Variants in SLC22A16 observed in about 807,000 individuals in gnomAD.
SLC22A16 encodes WUGSC:RG331P03.1.
Under a neutral mutation model 52.9 loss-of-function variants are expected in SLC22A16, and 53 were observed. The ratio of observed to expected loss-of-function variants is 1.00; its 90% CI spans 0.80 to 1.26. The LOEUF (loss-of-function observed/expected upper bound fraction) is 1.26, where lower values mean the gene tolerates loss of function less well. Among genes scored for constraint, SLC22A16 ranks in the 50% most tolerant of loss-of-function variants. The pLI is 0.00. For synonymous variants in SLC22A16, 291 were observed against 268.8 expected (o/e 1.08, Z -0.81); for missense variants, 726 against 704.0 (o/e 1.03, Z -0.35).
rs1775007636 is a variant in SLC22A16, at chr6:110,442,468, C to G, written c.959G>C (p.Cys320Ser). ...IMAKWNRASS[C>S]KLSELLSLDL... is the part of the protein sequence containing the mutation. Reference sequence around the variant, plus strand: ...CAGTGATAAAAGTTCTGACAGTTTACAGGAGCTTGCCCTGTTCCACTTGGC... The same window carrying G: ...CAGTGATAAAAGTTCTGACAGTTTAGAGGAGCTTGCCCTGTTCCACTTGGC... The change falls in exon 4 of 8, where the codon TGT (cysteine) becomes TCT (serine). Residue 320 changes from cysteine (C) to serine (S), a missense_variant. Physicochemically the swap from Cys to Ser is moderately radical, Grantham distance 112. Coordinates refer to ENST00000368919, the MANE Select transcript of SLC22A16 (RefSeq NM_033125.4). The G allele has an allele frequency of 1.2e-6, 2 of 1,614,136 alleles. No individual in the cohort carries two copies. Among genetic ancestry groups the G allele is most frequent in the African/African-American group, 2.7e-5 (2 of 74,948 alleles).
At chr6:110,450,836 G>T (rs1000522696) in intron 2 of SLC22A16, among the ~76,000 whole-genome samples, 1 of 152,088 alleles carries the variant, frequency 6.6e-6, no homozygotes, top group African/African-American at 2.4e-5. Context: ...AGGCAAGAAA[G>T]AGATGATTGC....
At chr6:110,473,594 G>A (rs963773973) in intron 1 of SLC22A16, among the ~76,000 whole-genome samples, 3 of 127,916 alleles carry the variant, frequency 2.3e-5, no homozygotes, top group Middle Eastern at 9.9e-3. Context: ...GCGCAATCTC[G>A]GCTCACTGCA....
chr6:110,438,339 T>C (rs1774817262), intron 5 of SLC22A16, among the ~76,000 whole-genome samples: 3 of 152,050 alleles, frequency 2.0e-5, no homozygotes, highest in Admixed American at 1.3e-4. Flanking sequence ...ATTTTTTATT[T>C]TTTGAGATGA....
At chr6:110,435,719 T>C in intron 6 of SLC22A16, 133 bp downstream of exon 6, 1 of 621,766 alleles carries the variant, frequency 1.6e-6, no homozygotes, top group Non-Finnish European at 2.8e-6. Context: ...AGTATCAGCA[T>C]GTCATTTTCC....
chr6:110,450,190 A>G (rs1188248477), intron 2 of SLC22A16, among the ~76,000 whole-genome samples: 1 of 151,552 alleles, frequency 6.6e-6, no homozygotes, highest in Admixed American at 6.6e-5. Flanking sequence ...AAAAAAAAGG[A>G]GGGGGGGGCA....
Position 110,438,639 on chromosome 6 carries a change from A to G in SLC22A16, c.1311+81T>C. On this transcript the variant is annotated intron_variant, in intron 5 of 7. Coordinates refer to ENST00000368919, the MANE Select transcript of SLC22A16 (RefSeq NM_033125.4). ...CAAATCATACTCTGAATTGACCTTC[A>G]TACTTAACTGTAATAAGCTAAATTC... 2.7e-6 allele frequency: 4 copies of G among 1,459,326 alleles called. No homozygotes were observed. In the South Asian group the frequency reaches 5.7e-5, roughly 21 times the overall value. The allele number at this position is 1,459,326 out of a possible 1,614,324, so 90.4% of individuals were successfully genotyped here. A position where few individuals can be genotyped will look rare whatever the true frequency, so the allele number is the denominator to read the frequency against.
intron 2 of SLC22A16, among the ~76,000 whole-genome samples, chr6:110,454,372 A>G (rs189741332): frequency 6.6e-6 from 1 of 151,076 alleles, no homozygotes; most frequent in Non-Finnish European, 1.5e-5. Flanking sequence ...TGTCAAACCA[A>G]TTTTTTAGCT....
rs1469106043 is a variant in SLC22A16, at chr6:110,460,490, T to A, written c.54-3473A>T. Among the ~76,000 whole-genome samples, 3 of 151,568 alleles carry A rather than the reference T, an allele frequency of 2.0e-5. No homozygotes were observed. The East Asian group carries it at 5.8e-4, about 30-fold the overall frequency. Reference sequence around the variant, plus strand: ...TACAGAAAGGGTGGATAGGGGTGCATCCCTTCTCACCTCACCCCTGTAACA... The same window carrying A: ...TACAGAAAGGGTGGATAGGGGTGCAACCCTTCTCACCTCACCCCTGTAACA... On this transcript the variant is annotated intron_variant, in intron 1 of 7. Coordinates refer to ENST00000368919, the MANE Select transcript of SLC22A16 (RefSeq NM_033125.4).
Position 110,442,287 on chromosome 6 carries a change from A to T in SLC22A16, c.1140T>A (p.Ser380=). 6.2e-7 allele frequency: 1 copy of T among 1,614,236 alleles called. No individual in the cohort carries two copies. The highest frequency in any genetic ancestry group is 1.1e-5 in the South Asian group (1 of 91,088). The part of the protein sequence containing the change: ...SLGFYSFSLN[S]VNLGGNEYLN... ...AGTATTCATTGCCTCCTAAGTTAAC[A>T]GAATTCAAGGAAAACGAGTAGAATC... The change falls in exon 4 of 8, where the codon TCT becomes TCA. Residue 380 remains serine, a synonymous_variant. Coordinates refer to ENST00000368919, the MANE Select transcript of SLC22A16 (RefSeq NM_033125.4).
intron 1 of SLC22A16, among the ~76,000 whole-genome samples, chr6:110,464,414 A>G (rs1176076230): frequency 6.6e-6 from 1 of 152,084 alleles, no homozygotes; most frequent in African/African-American, 2.4e-5. Context: ...CTAGACTAAC[A>G]AAGAAAAAGA....
At chr6:110,429,101 CTTA>C (rs1407116911) in intron 7 of SLC22A16, among the ~76,000 whole-genome samples, 3 of 152,130 alleles carry the variant, frequency 2.0e-5, no homozygotes, top group Middle Eastern at 3.4e-3. Flanking sequence ...CATGTTTCAA[CTTA>C]TTATTTTAAT....
At chr6:110,473,963 T>G (rs1451172034) in intron 1 of SLC22A16, among the ~76,000 whole-genome samples, 1 of 152,056 alleles carries the variant, frequency 6.6e-6, no homozygotes, top group Non-Finnish European at 1.5e-5. Flanking sequence ...CCATGGCCTG[T>G]TAGAAACTGG....
chr6:110,431,161 T>C lies in SLC22A16; in HGVS notation c.1521+10A>G, dbSNP rs1774484492. On this transcript the variant is annotated intron_variant, in intron 7 of 7. Transcript: ENST00000368919. ...GCCCCCTTGGGGAGGGTCTGCAAAC[T>C]GAAGCACACCTGTGGTATGAAGATC... 6.2e-7 allele frequency: 1 copy of C among 1,612,784 alleles called. No homozygotes were observed. The highest frequency in any genetic ancestry group is 1.3e-5 in the African/African-American group (1 of 75,020).
chr6:110,443,163 A>T lies in SLC22A16; in HGVS notation c.652-388T>A, dbSNP rs575663335. On this transcript the variant is annotated intron_variant, in intron 3 of 7. Transcript: ENST00000368919. ...CTAACTGCTAAATGGAGACAAAAAAATTTACGCTAACTAGTGGTAAGAAAA... is the reference window on the plus strand; with the variant it reads ...CTAACTGCTAAATGGAGACAAAAAATTTTACGCTAACTAGTGGTAAGAAAA... Among the ~76,000 whole-genome samples the T allele has an allele frequency of 1.6e-3, 242 of 152,338 alleles. 1 individual carries two copies. The highest frequency in any genetic ancestry group is 3.1e-3 in the Non-Finnish European group (208 of 68,030).
In SLC22A16 at chr6:110,453,728, TA is replaced by T. The variant is rs1255420807; in HGVS notation, c.533+2809del. 3 of 456,044 alleles carry T rather than the reference TA, an allele frequency of 6.6e-6. No individual in the cohort carries two copies. The East Asian group carries it at 2.1e-4, about 32-fold the overall frequency. 28.2% of individuals were successfully genotyped at this position (456,044 alleles called of 1,614,324 possible). Reference sequence around the variant, plus strand: ...GCAGAGAGGGGACATTATCTCATCATATTAGTTAATTTTATGTTGCTATAAA... The same window carrying T: ...GCAGAGAGGGGACATTATCTCATCATTTAGTTAATTTTATGTTGCTATAAA... On this transcript the variant is annotated intron_variant, in intron 2 of 7. Coordinates refer to ENST00000368919, the MANE Select transcript of SLC22A16 (RefSeq NM_033125.4).
At position 110,456,941 on chromosome 6, in the gene SLC22A16, T is replaced by A. The variant is rs761798878; in HGVS notation, c.130A>T (p.Met44Leu). 1 of 1,609,048 alleles carries A rather than the reference T, an allele frequency of 6.2e-7. No homozygotes were observed. Among genetic ancestry groups the A allele is most frequent in the Non-Finnish European group, 8.5e-7 (1 of 1,177,752 alleles). ...CGIHYLASVF[M>L]GVTPHHVCRP... Reference sequence around the variant, plus strand: ...CAGACATGATGAGGGGTGACTCCCATGAACACAGAAGCCAAGTAGTGAATA... The same window carrying A: ...CAGACATGATGAGGGGTGACTCCCAAGAACACAGAAGCCAAGTAGTGAATA... Residue 44 changes from methionine to leucine, a missense_variant, in exon 2 of 8, where the codon ATG (methionine) becomes TTG (leucine). By Grantham distance (15) the Met-to-Leu change is conservative. Coordinates refer to ENST00000368919, the MANE Select transcript of SLC22A16 (RefSeq NM_033125.4).
At chr6:110,452,143 A>G (rs966660551) in intron 2 of SLC22A16, among the ~76,000 whole-genome samples, 1 of 152,148 alleles carries the variant, frequency 6.6e-6, no homozygotes, top group African/African-American at 2.4e-5. Flanking sequence ...ATTTACTTTA[A>G]TGATTTGATT....
At chr6:110,447,556 G>A (rs77483775) in intron 2 of SLC22A16, among the ~76,000 whole-genome samples, 1 of 152,264 alleles carries the variant, frequency 6.6e-6, no homozygotes, top group African/African-American at 2.4e-5. Flanking sequence ...ACAATTTGGT[G>A]GTTTTTAGTA....
In SLC22A16 at chr6:110,446,960, T is replaced by G; in HGVS notation, c.564A>C (p.Thr188=). 6.2e-7 allele frequency: 1 copy of G among 1,613,988 alleles called. No homozygotes were observed. The highest frequency in any genetic ancestry group is 2.2e-5 in the East Asian group (1 of 44,886). Residue 188 remains threonine, a synonymous_variant, in exon 3 of 8, where the codon ACA becomes ACC. Transcript: ENST00000368919. ...RLGRRVVLWA[T]SSSMFLFGIA... The stretch of plus-strand genomic sequence containing the variant: ...TTCCAAACAAAAACATGCTACTGCT[T>G]GTGGCCCACAAGACCACCCGGCGTC...
Sources: allele counts gnomAD v4.1 joint callset (sites outside exome capture counted in the v4.1 genomes callset), GRCh38; gene constraint gnomAD v4.1.1; transcripts MANE v1.5; gene names NCBI Gene and HGNC (gene_info 2026-07-23, HGNC 2026-07-21).